CAMTA1: variants seen among roughly 807,000 people sequenced by gnomAD.
The protein encoded by CAMTA1 is calmodulin binding transcription activator 1.
CAMTA1 carries 27 observed loss-of-function variants against 170.9 expected under a neutral mutation model. That is an observed-to-expected ratio of 0.16 (90% CI 0.12 to 0.22). The LOEUF (loss-of-function observed/expected upper bound fraction) is 0.22. Ranked by LOEUF, CAMTA1 falls within the 10% of genes least tolerant of loss-of-function variation. CAMTA1 has a pLI of 1.00. For synonymous variants in CAMTA1, 833 were observed against 891.5 expected, an observed-to-expected ratio of 0.93 and a Z score of 1.17; for missense variants, 1,619 against 2,217.2, an observed-to-expected ratio of 0.73 and a Z score of 5.42.
At position 7,767,968 on chromosome 1, in the gene CAMTA1, A is replaced by T. The variant is rs1354394620; in HGVS notation, c.*1477A>T. On this transcript the variant is annotated 3_prime_UTR_variant, in exon 23 of 23. Transcript: ENST00000303635. Reference sequence around the variant, plus strand: ...AGGAGTTTAGTTTATTTTATTTAAAATTTTTTTGCCAATGGTGCCAAGTAA... The same window carrying T: ...AGGAGTTTAGTTTATTTTATTTAAATTTTTTTTGCCAATGGTGCCAAGTAA... 2 of 152,464 alleles carry T rather than the reference A, an allele frequency of 1.3e-5. No individual in the cohort carries two copies. Among genetic ancestry groups the T allele is most frequent in the Non-Finnish European group, 2.9e-5 (2 of 67,962 alleles). The allele number at this position is 152,464 out of a possible 1,614,324, so 9.4% of individuals were successfully genotyped here.
intron 6 of CAMTA1, among the ~76,000 whole-genome samples, chr1:7,533,315 G>A (rs997078487): frequency 6.6e-6 from 1 of 152,344 alleles, no homozygotes; most frequent in South Asian, 2.1e-4. Flanking sequence ...TGACAGAAGA[G>A]AGGGAGGTGG....
Position 7,293,782 on chromosome 1 carries a change from C to T in CAMTA1, c.438+44156C>T, listed in dbSNP as rs376018092. 2.0e-5 allele frequency among the ~76,000 whole-genome samples: 3 copies of T among 152,286 alleles called. No individual in the cohort carries two copies. The highest frequency in any genetic ancestry group is 2.1e-4 in the South Asian group (1 of 4,830). On this transcript the variant is annotated intron_variant, in intron 5 of 22. Coordinates refer to ENST00000303635, the MANE Select transcript of CAMTA1 (RefSeq NM_015215.4). This position sits in a 1 kb window ranked among gnomAD's most constrained non-coding sequence, Gnocchi z 4.1. ...TGGTTCTTGTAATGTTGCTGCCTCCCGATGGCTGCCCAGGGTTTCCAGCTC... is the reference window on the plus strand; with the variant it reads ...TGGTTCTTGTAATGTTGCTGCCTCCTGATGGCTGCCCAGGGTTTCCAGCTC...
At chr1:7,258,956 G>A (rs1406584912) in intron 5 of CAMTA1, among the ~76,000 whole-genome samples, 1 of 152,076 alleles carries the variant, frequency 6.6e-6, no homozygotes, top group South Asian at 2.1e-4. Flanking sequence ...CACACGCCGG[G>A]GCAAAAATCA....
At chr1:7,284,257 GCAGTGGCGT>G (rs922085304) in intron 5 of CAMTA1, among the ~76,000 whole-genome samples, 1 of 150,262 alleles carries the variant, frequency 6.7e-6, no homozygotes, top group African/African-American at 2.4e-5. Context: ...AGGCTGGAGT[GCAGTGGCGT>G]AATCTTGGCT....
intron 5 of CAMTA1, among the ~76,000 whole-genome samples, chr1:7,253,022 TG>T (rs1276590197): frequency 6.6e-6 from 1 of 152,110 alleles, no homozygotes; most frequent in Non-Finnish European, 1.5e-5. Flanking sequence ...CATGATTAGT[TG>T]TCTTGTCTGC....
intron 6 of CAMTA1, among the ~76,000 whole-genome samples, chr1:7,508,927 G>T (rs1185025226): frequency 2.0e-5 from 3 of 152,146 alleles, no homozygotes; most frequent in African/African-American, 4.8e-5. Flanking sequence ...GAAAGGGAAG[G>T]CCCCTTCCCA....
At chr1:7,239,635 AT>A (rs34166595) in intron 4 of CAMTA1, among the ~76,000 whole-genome samples, 1,883 of 103,728 alleles carry the variant, frequency 0.018, 15 homozygotes, top group African/African-American at 0.049. Context: ...TTCAAGGTCA[AT>A]TTTTTTTTTT....
intron 6 of CAMTA1, among the ~76,000 whole-genome samples, chr1:7,628,560 C>A (rs569677443): frequency 7.9e-5 from 12 of 152,228 alleles, no homozygotes; most frequent in Non-Finnish European, 1.8e-4. Flanking sequence ...TGGCACATGC[C>A]CAACTTCCTT....
intron 4 of CAMTA1, among the ~76,000 whole-genome samples, chr1:7,235,311 C>T (rs1217318316): frequency 6.6e-6 from 1 of 152,124 alleles, no homozygotes; most frequent in Non-Finnish European, 1.5e-5. Context: ...AGGATAGTGC[C>T]ATTGGCTATC....
chr1:7,250,191 G>T (rs914484945), intron 5 of CAMTA1, among the ~76,000 whole-genome samples: 12 of 152,178 alleles, frequency 7.9e-5, no homozygotes, highest in African/African-American at 2.9e-4. Flanking sequence ...TTCGGGTTTT[G>T]GCCCTTGGGT....
intron 4 of CAMTA1, among the ~76,000 whole-genome samples, chr1:7,221,557 A>G (rs1252454246): frequency 6.6e-6 from 1 of 152,118 alleles, no homozygotes; most frequent in Non-Finnish European, 1.5e-5. Context: ...ATTCTTCTTT[A>G]TATGGTACCA....
At chr1:7,021,616 G>T (rs967011814) in intron 3 of CAMTA1, among the ~76,000 whole-genome samples, 1 of 152,198 alleles carries the variant, frequency 6.6e-6, no homozygotes, top group African/African-American at 2.4e-5. Flanking sequence ...GGGTGGATGT[G>T]TCACTGTCTT....
chr1:7,622,465 C>T (rs1179150855), intron 6 of CAMTA1, among the ~76,000 whole-genome samples: 2 of 152,194 alleles, frequency 1.3e-5, no homozygotes, highest in Admixed American at 6.5e-5. Flanking sequence ...AGTTAGTATC[C>T]GCTATTGAAA....
chr1:7,328,737 G>A (rs1312023786), intron 5 of CAMTA1, among the ~76,000 whole-genome samples: 1 of 151,546 alleles, frequency 6.6e-6, no homozygotes, highest in African/African-American at 2.4e-5. Flanking sequence ...TTTACACTGA[G>A]TTTTAAATTT....
At chr1:7,631,643 A>G (rs2095669946) in intron 6 of CAMTA1, among the ~76,000 whole-genome samples, 1 of 152,186 alleles carries the variant, frequency 6.6e-6, no homozygotes, top group Admixed American at 6.5e-5. Flanking sequence ...GAGGCAGGGA[A>G]GAGAGACCCA....
chr1:7,498,365 ATGTG>A (rs55793745), intron 6 of CAMTA1, among the ~76,000 whole-genome samples: 15 of 148,930 alleles, frequency 1.0e-4, no homozygotes, highest in Non-Finnish European at 1.3e-4. Context: ...GTGAGTGTGG[ATGTG>A]TGTGTATGAG....
At chr1:7,429,246 C>T (rs368794153) in intron 5 of CAMTA1, among the ~76,000 whole-genome samples, 5 of 152,270 alleles carry the variant, frequency 3.3e-5, no homozygotes, top group Admixed American at 6.5e-5. Context: ...ATGGTGGTTG[C>T]GAGGTTGAAA....
chr1:7,467,732 G>A (rs1023895006), intron 5 of CAMTA1, 98 bp from the exon 6 acceptor site: 28 of 1,110,546 alleles, frequency 2.5e-5, no homozygotes, highest in South Asian at 3.7e-5. Flanking sequence ...GCTGCCAGGC[G>A]GCTGTGGCCC....
At chr1:7,328,673 C>A (rs560772228) in intron 5 of CAMTA1, among the ~76,000 whole-genome samples, 1 of 151,588 alleles carries the variant, frequency 6.6e-6, no homozygotes, top group Non-Finnish European at 1.5e-5. Context: ...TTAGTAATAT[C>A]TTTTTATTTG....
Sources: allele counts gnomAD v4.1 joint callset (sites outside exome capture counted in the v4.1 genomes callset), GRCh38; gene constraint gnomAD v4.1.1; non-coding constraint Gnocchi (gnomAD v3.1); transcripts MANE v1.5; gene names NCBI Gene and HGNC (gene_info 2026-07-23, HGNC 2026-07-21).